Variants in ST18 observed in about 807,000 individuals in gnomAD.
ST18 encodes ST18 C2H2C-type zinc finger transcription factor.
ST18 carries 50 observed loss-of-function variants against 110.0 expected under a neutral mutation model. That is an observed-to-expected ratio of 0.45 (90% CI 0.36 to 0.58). The LOEUF (loss-of-function observed/expected upper bound fraction) is 0.58, where lower values mean the gene tolerates loss of function less well. Among genes scored for constraint, ST18 ranks in the 20% least tolerant of loss-of-function variants. The pLI is 0.00. For synonymous variants in ST18, 461 were observed against 452.4 expected, an observed-to-expected ratio of 1.02 and a Z score of -0.24; for missense variants, 1,306 against 1,280.1, an observed-to-expected ratio of 1.02 and a Z score of -0.31.
At chr8:52,226,951 C>A (rs181194973) in intron 3 of ST18, among the ~76,000 whole-genome samples, 42 of 152,228 alleles carry the variant, frequency 2.8e-4, no homozygotes, top group African/African-American at 9.9e-4. Context: ...TGCTATTTTT[C>A]CCAACAGTGA....
At chr8:52,226,279 G>A (rs10103779) in intron 3 of ST18, among the ~76,000 whole-genome samples, 3,470 of 152,254 alleles carry the variant, frequency 0.023, 118 homozygotes, top group African/African-American at 0.078. Flanking sequence ...TCGTCACACA[G>A]AGCAATGCAT....
At chr8:52,157,518 TA>T (rs974846675) in intron 15 of ST18, among the ~76,000 whole-genome samples, 4 of 152,260 alleles carry the variant, frequency 2.6e-5, no homozygotes, top group African/African-American at 9.6e-5. Flanking sequence ...TTATTCAGAT[TA>T]AAAAAATGAA....
chr8:52,242,048 C>T (rs1446201534), intron 2 of ST18, among the ~76,000 whole-genome samples: 1 of 152,114 alleles, frequency 6.6e-6, no homozygotes, highest in Admixed American at 6.6e-5. Flanking sequence ...TGATTTTTGT[C>T]AACCCTCAAT....
chr8:52,171,726 A>T (rs2065032367), intron 10 of ST18, 66 bp downstream of exon 10: 1 of 1,549,328 alleles, frequency 6.5e-7, no homozygotes, highest in African/African-American at 1.4e-5. Context: ...AAATAATCAA[A>T]TCTGACTTTT....
chr8:52,126,474 A>C (rs563002877), intron 22 of ST18, among the ~76,000 whole-genome samples: 1 of 152,318 alleles, frequency 6.6e-6, no homozygotes, highest in Admixed American at 6.5e-5. Flanking sequence ...ATTTTCTGTA[A>C]ATGTGAAATT....
intron 2 of ST18, among the ~76,000 whole-genome samples, chr8:52,244,106 G>A (rs934695739): frequency 3.3e-5 from 5 of 152,096 alleles, no homozygotes; most frequent in East Asian, 1.9e-4. Context: ...TAGGGCATTG[G>A]GTATGGAACT....
intron 2 of ST18, among the ~76,000 whole-genome samples, chr8:52,275,875 TATA>T (rs2095224355): frequency 6.6e-6 from 1 of 151,854 alleles, no homozygotes; most frequent in Non-Finnish European, 1.5e-5. Context: ...AGCCCATCAG[TATA>T]GCAAGCAGCA....
At chr8:52,333,191 A>AG (rs1810408487) in intron 2 of ST18, among the ~76,000 whole-genome samples, 1 of 152,190 alleles carries the variant, frequency 6.6e-6, no homozygotes, top group Non-Finnish European at 1.5e-5. Context: ...GGTATTAAAG[A>AG]GGAAATTCTT....
At chr8:52,338,757 A>G (rs1316466968) in intron 2 of ST18, among the ~76,000 whole-genome samples, 1 of 151,630 alleles carries the variant, frequency 6.6e-6, no homozygotes, top group Admixed American at 6.6e-5. Flanking sequence ...TTTTTTTTTA[A>G]AGATAATGTC....
intron 2 of ST18, among the ~76,000 whole-genome samples, chr8:52,388,888 C>T (rs1248560014): frequency 6.7e-6 from 1 of 149,340 alleles, no homozygotes; most frequent in Non-Finnish European, 1.5e-5. Flanking sequence ...ATGGGTGCAG[C>T]ACACCAGCAT....
intron 2 of ST18, among the ~76,000 whole-genome samples, chr8:52,230,765 T>A (rs1186489629): frequency 1.3e-5 from 2 of 152,196 alleles, no homozygotes; most frequent in African/African-American, 4.8e-5. Flanking sequence ...CCCAGGTCCC[T>A]GGGTTCACCA....
intron 9 of ST18, among the ~76,000 whole-genome samples, chr8:52,177,045 G>A (rs2067207932): frequency 6.6e-6 from 1 of 152,174 alleles, no homozygotes; most frequent in Admixed American, 6.5e-5. Flanking sequence ...TTCTATGACT[G>A]TGACATATTT....
intron 2 of ST18, among the ~76,000 whole-genome samples, chr8:52,384,879 A>G (rs1035207410): frequency 2.0e-5 from 3 of 151,916 alleles, no homozygotes; most frequent in African/African-American, 7.3e-5. Context: ...GGATATCTTC[A>G]GTGCTGTGAG....
At chr8:52,254,136 C>G (rs918277866) in intron 2 of ST18, 2 of 152,024 alleles carry the variant, frequency 1.3e-5, no homozygotes, top group Non-Finnish European at 2.9e-5. Context: ...ATCCACCCCC[C>G]CTCCAAAAAA....
chr8:52,308,809 G>T (rs976637056), intron 2 of ST18, among the ~76,000 whole-genome samples: 7 of 152,226 alleles, frequency 4.6e-5, no homozygotes, highest in African/African-American at 1.7e-4. Flanking sequence ...TCTGGACTGT[G>T]CCCTCCATAT....
rs1210816671 is a variant in ST18, at chr8:52,132,544, G to C, written c.2445-365C>G. Among the ~76,000 whole-genome samples the C allele has an allele frequency of 3.3e-5, 5 of 152,258 alleles. No homozygotes were observed. The South Asian group carries it at 8.3e-4, about 25-fold the overall frequency. ...GTTATGTTGCTTCCGAAGACCAAAGGTATAACATGTTAACTGCCTTAACAG... is the reference window on the plus strand; with the variant it reads ...GTTATGTTGCTTCCGAAGACCAAAGCTATAACATGTTAACTGCCTTAACAG... On this transcript the variant is annotated intron_variant, in intron 21 of 25. Transcript: ENST00000689386.
At chr8:52,196,442 G>A (rs148567074) in intron 8 of ST18, among the ~76,000 whole-genome samples, 5 of 152,196 alleles carry the variant, frequency 3.3e-5, no homozygotes, top group Non-Finnish European at 5.9e-5. Flanking sequence ...GCCTGCATTC[G>A]TCCTGTGAGG....
chr8:52,377,426 A>G (rs1832837856), intron 2 of ST18, among the ~76,000 whole-genome samples: 2 of 152,212 alleles, frequency 1.3e-5, no homozygotes, highest in South Asian at 4.1e-4. Context: ...GAACAGCTCC[A>G]AGATATAGTG....
In ST18 at chr8:52,365,220, A is replaced by C. The variant is rs1435235677; in HGVS notation, c.-465+44108T>G. ...AAAGTAATAAAACCTAATGTTTACA[A>C]AATGCTGTGATCTGAATGTCAAATG... On this transcript the variant is annotated intron_variant, in intron 2 of 25. Coordinates refer to ENST00000689386, the MANE Select transcript of ST18 (RefSeq NM_001352837.2). Among the ~76,000 whole-genome samples the C allele has an allele frequency of 6.4e-4, 3 of 4,674 alleles. No individual in the cohort carries two copies. In the East Asian group the frequency reaches 0.25, roughly 389 times the overall value. 3.1% of individuals were successfully genotyped at this position (4,674 alleles called of 152,430 possible). A position where few individuals can be genotyped will look rare whatever the true frequency, so the allele number is the denominator to read the frequency against.
Sources: gnomAD v4.1 joint callset for allele counts (sites outside exome capture counted in the v4.1 genomes callset) on GRCh38, gnomAD v4.1.1 for gene constraint, MANE v1.5 for transcripts, NCBI Gene and HGNC (gene_info 2026-07-23, HGNC 2026-07-21) for gene names.